THRA: variants seen among roughly 807,000 people sequenced by gnomAD.
THRA encodes the protein thyroid hormone receptor alpha.
A neutral mutation model predicts 45.0 loss-of-function variants in THRA; 13 were observed. The ratio of observed to expected loss-of-function variants is 0.29; its 90% CI spans 0.19 to 0.46. THRA has a LOEUF of 0.46. Among genes scored for constraint, THRA ranks in the 20% least tolerant of loss-of-function variants. The pLI is 1.00. For synonymous variants in THRA, 195 were observed against 214.0 expected, an observed-to-expected ratio of 0.91 and a Z score of 0.78; for missense variants, 278 against 556.1, an observed-to-expected ratio of 0.50 and a Z score of 5.03.
chr17:40,079,311 A>G (rs1285629391), intron 4 of THRA, among the ~76,000 whole-genome samples: 3 of 152,074 alleles, frequency 2.0e-5, no homozygotes, highest in East Asian at 3.9e-4. Flanking sequence ...CAGTGGTGCA[A>G]TCTTGGCTCA....
intron 1 of THRA, among the ~76,000 whole-genome samples, chr17:40,065,278 G>A (rs1201176209): frequency 6.6e-6 from 1 of 152,036 alleles, no homozygotes; most frequent in African/African-American, 2.4e-5. Context: ...TCTTTCCTGG[G>A]AACAGTCAGT....
chr17:40,085,542 C>T (rs764636396), intron 6 of THRA, among the ~76,000 whole-genome samples: 12 of 151,884 alleles, frequency 7.9e-5, no homozygotes, highest in Non-Finnish European at 1.2e-4. Context: ...CCATGTTGAC[C>T]AGGCTGGTCT....
At chr17:40,075,742 G>A (rs1330445672) in intron 2 of THRA, among the ~76,000 whole-genome samples, 2 of 152,204 alleles carry the variant, frequency 1.3e-5, no homozygotes, top group South Asian at 2.1e-4. Flanking sequence ...GAGTCTGGTG[G>A]TAACTGCTGA....
chr17:40,082,207 C>CTTT (rs770974952), intron 4 of THRA, among the ~76,000 whole-genome samples: 211 of 78,728 alleles, frequency 2.7e-3, no homozygotes, highest in Non-Finnish European at 3.6e-3. Flanking sequence ...CTTGGATTTC[C>CTTT]TTTTTTTTTT....
At chr17:40,070,024 G>T (rs1986717369) in intron 1 of THRA, among the ~76,000 whole-genome samples, 2 of 151,848 alleles carry the variant, frequency 1.3e-5, no homozygotes, top group Admixed American at 1.3e-4. Context: ...TTCTTTTGGG[G>T]CGGGGTGGGG....
Position 40,065,554 on chromosome 17 carries a change from CT to C in THRA, c.-298+2463del, listed in dbSNP as rs1260745822. Among the ~76,000 whole-genome samples the C allele has an allele frequency of 2.6e-5, 4 of 152,312 alleles. No homozygotes were observed. The South Asian group carries it at 6.2e-4, about 24-fold the overall frequency. ...CCCTGTTGCTACCCCCGATCTACCC[CT>C]GTCCTTGTCTCAGAGCTGGGGACTG... On this transcript the variant is annotated intron_variant, in intron 1 of 8. Coordinates refer to ENST00000450525, the MANE Select transcript of THRA (RefSeq NM_199334.5).
At chr17:40,082,782 T>G (rs1472764521) in intron 4 of THRA, among the ~76,000 whole-genome samples, 3 of 144,530 alleles carry the variant, frequency 2.1e-5, no homozygotes, top group African/African-American at 7.9e-5. Context: ...TTTTTTTTTT[T>G]TTGAGATGGA....
intron 1 of THRA, among the ~76,000 whole-genome samples, chr17:40,066,655 C>T (rs1222249907): frequency 7.6e-6 from 1 of 131,220 alleles, no homozygotes; most frequent in Non-Finnish European, 1.5e-5. Context: ...CAGAGCGAGA[C>T]TCCGTCTCAA....
At chr17:40,084,039 T>C (rs111551222) in intron 5 of THRA, 57 bp downstream of exon 5, 213 of 1,537,490 alleles carry the variant, frequency 1.4e-4, no homozygotes, top group Non-Finnish European at 1.8e-4. Flanking sequence ...GGATGAGTTC[T>C]GGGAGGGCAG....
At chr17:40,067,988 C>G (rs944762987) in intron 1 of THRA, among the ~76,000 whole-genome samples, 1 of 152,216 alleles carries the variant, frequency 6.6e-6, no homozygotes, top group African/African-American at 2.4e-5. Flanking sequence ...CCACTGCACT[C>G]TAGCCTGAAC....
intron 1 of THRA, among the ~76,000 whole-genome samples, chr17:40,067,029 T>C (rs1333405613): frequency 6.6e-6 from 1 of 152,198 alleles, no homozygotes; most frequent in Non-Finnish European, 1.5e-5. Flanking sequence ...AGAAGCTTCG[T>C]GGAGAATTGG....
At chr17:40,071,933 G>T (rs1033790353) in intron 1 of THRA, among the ~76,000 whole-genome samples, 1 of 152,144 alleles carries the variant, frequency 6.6e-6, no homozygotes, top group Non-Finnish European at 1.5e-5. Flanking sequence ...GGCAGCAAGG[G>T]CAGCACCTTG....
chr17:40,089,123 C>T lies in THRA; in HGVS notation c.983-83C>T, dbSNP rs948373363. ...GCCTCTATCTCCCCTCTAGTCCTTT[C>T]TTCCCACGTCCCCACACCTCACCCT... On this transcript the variant is annotated intron_variant, in intron 8 of 8. Transcript: ENST00000450525. This position sits in a 1 kb window ranked among gnomAD's most constrained non-coding sequence, Gnocchi z 6.1. 15 of 1,397,932 alleles carry T rather than the reference C, an allele frequency of 1.1e-5. No homozygotes were observed. In the African/African-American group the frequency reaches 1.8e-4, roughly 17 times the overall value. 86.6% of individuals were successfully genotyped at this position (1,397,932 alleles called of 1,614,324 possible). A position where few individuals can be genotyped will look rare whatever the true frequency, so the allele number is the denominator to read the frequency against.
chr17:40,076,581 G>A (rs537330256), intron 2 of THRA, among the ~76,000 whole-genome samples: 1 of 152,328 alleles, frequency 6.6e-6, no homozygotes, highest in African/African-American at 2.4e-5. Context: ...ACTGAAAGAT[G>A]AGGATGTCCT....
chr17:40,083,807 A>C (rs751673476), intron 4 of THRA, 28 bp from the exon 5 acceptor site: 2 of 1,573,568 alleles, frequency 1.3e-6, no homozygotes, highest in East Asian at 4.6e-5. Flanking sequence ...TGTCATGATC[A>C]CAGCCTGCTC....
chr17:40,084,941 A>G (rs1250261225), intron 6 of THRA, 126 bp downstream of exon 6: 7 of 1,026,600 alleles, frequency 6.8e-6, no homozygotes, highest in Non-Finnish European at 1.0e-5. Context: ...TACTCTTCAC[A>G]CTTTTGCTGT....
At chr17:40,088,562 C>A (rs1383790026) in intron 8 of THRA, 62 bp downstream of exon 8, 3 of 1,549,132 alleles carry the variant, frequency 1.9e-6, no homozygotes, top group African/African-American at 1.4e-5. Flanking sequence ...TTGGCTGGAC[C>A]CTGGGCCTGT....
intron 4 of THRA, 51 bp downstream of exon 4, chr17:40,077,659 C>A: frequency 6.8e-7 from 1 of 1,462,450 alleles, no homozygotes; most frequent in Non-Finnish European, 9.5e-7. Context: ...CCCCATATTA[C>A]TCCCTATGTC....
At chr17:40,072,545 TG>T (rs570610628) in intron 1 of THRA, among the ~76,000 whole-genome samples, 307 of 152,144 alleles carry the variant, frequency 2.0e-3, no homozygotes, top group African/African-American at 7.0e-3. Context: ...AGGCACAGCC[TG>T]GGGGGCAGAC....
Sources: allele counts gnomAD v4.1 joint callset (sites outside exome capture counted in the v4.1 genomes callset), GRCh38; gene constraint gnomAD v4.1.1; non-coding constraint Gnocchi (gnomAD v3.1); transcripts MANE v1.5; gene names NCBI Gene and HGNC (gene_info 2026-07-23, HGNC 2026-07-21).